CTNND2: variants seen among roughly 807,000 people sequenced by gnomAD.
CTNND2 encodes the protein catenin delta-2.
In CTNND2, 22 loss-of-function variants were observed where a neutral mutation model predicts 144.4. The observed-to-expected ratio is 0.15, with a 90% confidence interval of 0.11 to 0.22. The LOEUF (loss-of-function observed/expected upper bound fraction) is 0.22, where lower values mean the gene tolerates loss of function less well. Among genes scored for constraint, CTNND2 ranks in the 10% least tolerant of loss-of-function variants. The pLI is 1.00. For synonymous variants in CTNND2, 751 were observed against 695.6 expected (o/e 1.08, Z -1.25); for missense variants, 1,353 against 1,618.8 (o/e 0.84, Z 2.82).
chr5:11,466,892 A>G (rs1766729709), intron 3 of CTNND2, among the ~76,000 whole-genome samples: 1 of 152,230 alleles, frequency 6.6e-6, no homozygotes, highest in African/African-American at 2.4e-5. Flanking sequence ...CGTGTACTGC[A>G]GCAACAACAT....
rs747682504 is a variant in CTNND2, at chr5:11,385,325, G to A, written c.613-96C>T. 1,047 of 840,134 alleles carry A rather than the reference G, an allele frequency of 1.2e-3. 1 individual carries two copies. Among genetic ancestry groups the A allele is most frequent in the Non-Finnish European group, 1.2e-3 (843 of 695,624 alleles). The allele number at this position is 840,134 out of a possible 1,614,324, so 52.0% of individuals were successfully genotyped here. On this transcript the variant is annotated intron_variant, in intron 6 of 21. Coordinates refer to ENST00000304623, the MANE Select transcript of CTNND2 (RefSeq NM_001332.4). ...GGCCCCGAGAGCAGAGGCACACCGG[G>A]GATGCCGCGGGCGCCCGGCGGCTCT...
intron 17 of CTNND2, among the ~76,000 whole-genome samples, chr5:11,022,122 G>T (rs1742322188): frequency 6.6e-6 from 1 of 152,080 alleles, no homozygotes; most frequent in Non-Finnish European, 1.5e-5. Context: ...TCTGCACGAA[G>T]GCCCTCCTTT....
chr5:11,521,985 G>A (rs1772767618), intron 3 of CTNND2, among the ~76,000 whole-genome samples: 1 of 152,158 alleles, frequency 6.6e-6, no homozygotes, highest in Non-Finnish European at 1.5e-5. Context: ...CTATCCAGCT[G>A]TATGAGACCA....
intron 1 of CTNND2, among the ~76,000 whole-genome samples, chr5:11,767,050 G>A (rs144082064): frequency 3.9e-5 from 6 of 152,098 alleles, no homozygotes; most frequent in Admixed American, 2.6e-4. Flanking sequence ...CTGGGTCTTC[G>A]TGACTCCATG....
At chr5:11,490,078 T>C (rs530619705) in intron 3 of CTNND2, among the ~76,000 whole-genome samples, 4 of 152,194 alleles carry the variant, frequency 2.6e-5, no homozygotes, top group Non-Finnish European at 4.4e-5. Context: ...TAAAACAAAA[T>C]CTCAGCTTCT....
At chr5:11,319,065 G>A (rs1751785959) in intron 9 of CTNND2, among the ~76,000 whole-genome samples, 1 of 151,918 alleles carries the variant, frequency 6.6e-6, no homozygotes. Flanking sequence ...TTTTACTCTT[G>A]AGCAAACTGA....
intron 9 of CTNND2, among the ~76,000 whole-genome samples, chr5:11,250,481 CTCTCTCTCTCTA>C (rs1317448826): frequency 9.3e-5 from 6 of 64,190 alleles, no homozygotes; most frequent in South Asian, 5.4e-4. Context: ...CTCTCTCTCT[CTCTCTCTCTCTA>C]TATATATATA....
chr5:11,884,027 GT>G (rs1274268641), intron 1 of CTNND2, among the ~76,000 whole-genome samples: 2 of 152,040 alleles, frequency 1.3e-5, no homozygotes, highest in Non-Finnish European at 2.9e-5. Context: ...TGATGGGGTT[GT>G]TTTTTTCTTG....
At chr5:11,893,479 A>G (rs1360778793) in intron 1 of CTNND2, among the ~76,000 whole-genome samples, 1 of 152,188 alleles carries the variant, frequency 6.6e-6, no homozygotes, top group East Asian at 1.9e-4. Context: ...ATAAATCAAT[A>G]AACAGTGGAC....
In CTNND2 at chr5:11,240,211, AAC is replaced by A. The variant is rs1430798962; in HGVS notation, c.1629-3390_1629-3389del. ...ACCCAACACACACACACACACCCCC[AAC>A]ACACACACCCAACACACACACACCA... On this transcript the variant is annotated intron_variant, in intron 9 of 21. Transcript: ENST00000304623. Among the ~76,000 whole-genome samples, 351 of 111,234 alleles carry A rather than the reference AAC, an allele frequency of 3.2e-3. 2 individuals carry two copies. The highest frequency in any genetic ancestry group is 0.012 in the African/African-American group (337 of 28,260). 73.0% of individuals were successfully genotyped at this position (111,234 alleles called of 152,430 possible).
At chr5:11,712,913 A>G (rs1786115231) in intron 2 of CTNND2, among the ~76,000 whole-genome samples, 1 of 152,228 alleles carries the variant, frequency 6.6e-6, no homozygotes, top group Non-Finnish European at 1.5e-5. Flanking sequence ...ACTGAACAGC[A>G]GCACACAAAA....
chr5:11,749,789 T>C (rs1397977919), intron 1 of CTNND2, among the ~76,000 whole-genome samples: 1 of 152,006 alleles, frequency 6.6e-6, no homozygotes, highest in Non-Finnish European at 1.5e-5. Context: ...TAGTCTTACA[T>C]ATGAATGATA....
chr5:11,777,905 T>G (rs1028844587), intron 1 of CTNND2, among the ~76,000 whole-genome samples: 1 of 152,130 alleles, frequency 6.6e-6, no homozygotes, highest in Non-Finnish European at 1.5e-5. Context: ...TCCACAAACT[T>G]TTAAGTTTTT....
At chr5:11,753,928 T>C (rs1191195210) in intron 1 of CTNND2, among the ~76,000 whole-genome samples, 1 of 151,706 alleles carries the variant, frequency 6.6e-6, no homozygotes, top group Non-Finnish European at 1.5e-5. Flanking sequence ...AATTTATCAA[T>C]TTCTTCTAGG....
At chr5:11,162,975 C>T (rs937376965) in intron 11 of CTNND2, among the ~76,000 whole-genome samples, 2 of 152,024 alleles carry the variant, frequency 1.3e-5, no homozygotes, top group African/African-American at 4.8e-5. Context: ...GAGAACTGGA[C>T]GTATCTAGGC....
chr5:11,852,654 T>C (rs1372878692), intron 1 of CTNND2, among the ~76,000 whole-genome samples: 1 of 152,184 alleles, frequency 6.6e-6, no homozygotes, highest in Non-Finnish European at 1.5e-5. Context: ...ACCTCTAAGT[T>C]TCTGTTTACA....
chr5:11,117,815 G>A (rs1220612269), intron 12 of CTNND2, among the ~76,000 whole-genome samples: 1 of 152,202 alleles, frequency 6.6e-6, no homozygotes, highest in Admixed American at 6.5e-5. Flanking sequence ...TACGGGATCT[G>A]TGAGTCCCAT....
chr5:11,083,846 C>T, intron 15 of CTNND2: 2 of 1,088,884 alleles, frequency 1.8e-6, no homozygotes, highest in Non-Finnish European at 2.3e-6. Flanking sequence ...CCCCCCTTCC[C>T]CCATGGGGGC....
chr5:11,263,274 C>T (rs368093986), intron 9 of CTNND2, among the ~76,000 whole-genome samples: 1 of 152,088 alleles, frequency 6.6e-6, no homozygotes, highest in Non-Finnish European at 1.5e-5. Flanking sequence ...TGGCCCATTT[C>T]GTATTTCAAA....
Sources: gnomAD v4.1 joint callset for allele counts (sites outside exome capture counted in the v4.1 genomes callset) on GRCh38, gnomAD v4.1.1 for gene constraint, MANE v1.5 for transcripts, NCBI Gene and HGNC (gene_info 2026-07-23, HGNC 2026-07-21) for gene names.